Variants in CPED1 observed in about 807,000 individuals in gnomAD.
The protein encoded by CPED1 is cadherin like and PC-esterase domain containing 1, also known as cadherin-like and PC-esterase domain-containing protein 1.
A neutral mutation model predicts 128.2 loss-of-function variants in CPED1; 114 were observed. The ratio of observed to expected loss-of-function variants is 0.89; its 90% CI spans 0.76 to 1.04. The LOEUF is 1.04. CPED1 is among the 50% of genes least tolerant of loss of function. CPED1 has a pLI of 0.00. For synonymous variants in CPED1, 462 were observed against 426.7 expected (o/e 1.08, Z -1.02); for missense variants, 1,211 against 1,207.1 (o/e 1.00, Z -0.05).
chr7:121,213,196 T>A (rs942437977), intron 16 of CPED1, among the ~76,000 whole-genome samples: 1 of 152,066 alleles, frequency 6.6e-6, no homozygotes, highest in East Asian at 1.9e-4. Flanking sequence ...TTTGTTTTAT[T>A]TTTCAGTCTA....
intron 5 of CPED1, among the ~76,000 whole-genome samples, chr7:121,074,509 GTTTT>G (rs1157885862): frequency 7.4e-5 from 6 of 80,840 alleles, no homozygotes; most frequent in South Asian, 9.2e-4. Context: ...TTTCCTTTGT[GTTTT>G]TTTTTTTTTT....
chr7:121,156,891 C>G (rs1406435307), intron 16 of CPED1, among the ~76,000 whole-genome samples: 2 of 151,960 alleles, frequency 1.3e-5, no homozygotes, highest in Non-Finnish European at 2.9e-5. Flanking sequence ...ACCAGGGCAC[C>G]CATAAAAAGT....
In CPED1 at chr7:121,064,180, G is replaced by C. The variant is rs1022690343; in HGVS notation, c.541-58G>C. On this transcript the variant is annotated intron_variant, in intron 4 of 22. Coordinates refer to ENST00000310396, the MANE Select transcript of CPED1 (RefSeq NM_024913.5). Reference sequence around the variant, plus strand: ...TCTCTGGGTTTTTTGTGTTTGCTTGGTTTTGCTTTAGCGTTGATGAATGCC... The same window carrying C: ...TCTCTGGGTTTTTTGTGTTTGCTTGCTTTTGCTTTAGCGTTGATGAATGCC... The C allele has an allele frequency of 7.5e-6, 9 of 1,197,178 alleles. No homozygotes were observed. In the Admixed American group the frequency reaches 8.4e-5, roughly 11 times the overall value. 74.2% of individuals were successfully genotyped at this position (1,197,178 alleles called of 1,614,324 possible).
rs1351612819 is a variant in CPED1, at chr7:120,989,833, GCTTC to G, written c.217_220del (p.Leu73SerfsTer46). The G allele has an allele frequency of 1.9e-6, 3 of 1,613,952 alleles. No individual in the cohort carries two copies. Among genetic ancestry groups the G allele is most frequent in the African/African-American group, 1.3e-5 (1 of 74,892 alleles). On this transcript the variant is annotated frameshift_variant, in exon 2 of 23. Transcript: ENST00000310396. LOFTEE classifies it high-confidence loss of function. ...AAAGGATTCTCTCAGGACAAACAGT[GCTTC>G]CTTCTCTCTGGTAATGCCCAGGAAA...
intron 2 of CPED1, among the ~76,000 whole-genome samples, chr7:120,994,657 G>GTGTGTGTGTGTGTGT (rs148572524): frequency 3.0e-4 from 45 of 149,302 alleles, no homozygotes; most frequent in African/African-American, 1.0e-3. Context: ...GTGTGTGTGT[G>GTGTGTGTGTGTGTGT]TGTTGTTGTT....
At chr7:121,220,532 A>C (rs569436385) in intron 16 of CPED1, among the ~76,000 whole-genome samples, 12 of 152,144 alleles carry the variant, frequency 7.9e-5, no homozygotes, top group South Asian at 4.1e-4. Flanking sequence ...GAAAGACAAC[A>C]AATTTAGATT....
intron 5 of CPED1, among the ~76,000 whole-genome samples, chr7:121,093,671 C>T (rs780127281): frequency 9.2e-5 from 14 of 152,154 alleles, no homozygotes; most frequent in Non-Finnish European, 1.9e-4. Flanking sequence ...TTGCCAGGCT[C>T]CTTCCCCTCT....
At chr7:121,156,651 T>C (rs1796291382) in intron 16 of CPED1, among the ~76,000 whole-genome samples, 2 of 152,108 alleles carry the variant, frequency 1.3e-5, no homozygotes, top group South Asian at 4.1e-4. Context: ...TCATGAAGAT[T>C]GAGAATAGAG....
At chr7:121,077,735 ATGCTT>A (rs1362595596) in intron 5 of CPED1, among the ~76,000 whole-genome samples, 2 of 151,266 alleles carry the variant, frequency 1.3e-5, no homozygotes, top group Non-Finnish European at 2.9e-5. Context: ...TATTAACAAT[ATGCTT>A]TGTTTTAAAA....
intron 16 of CPED1, among the ~76,000 whole-genome samples, chr7:121,187,119 A>G (rs1179221776): frequency 2.0e-5 from 3 of 152,206 alleles, no homozygotes. Context: ...TGGAGTTTAT[A>G]ATATATTTTA....
At chr7:121,225,459 G>T (rs971790104) in intron 16 of CPED1, among the ~76,000 whole-genome samples, 2 of 151,896 alleles carry the variant, frequency 1.3e-5, no homozygotes, top group Non-Finnish European at 2.9e-5. Context: ...ATGTGTCTTG[G>T]GGTTTCTCTT....
intron 22 of CPED1, among the ~76,000 whole-genome samples, chr7:121,277,472 G>A (rs929710762): frequency 6.6e-6 from 1 of 152,126 alleles, no homozygotes; most frequent in Non-Finnish European, 1.5e-5. Context: ...TTGACATCCT[G>A]CGTGAACTGC....
chr7:121,197,786 G>A (rs926286026), intron 16 of CPED1, among the ~76,000 whole-genome samples: 7 of 152,086 alleles, frequency 4.6e-5, no homozygotes, highest in Admixed American at 4.6e-4. Context: ...AGTAGGAGCT[G>A]GATGTGCAGA....
intron 7 of CPED1, among the ~76,000 whole-genome samples, chr7:121,123,872 A>G (rs1040353509): frequency 3.6e-4 from 55 of 152,210 alleles, no homozygotes; most frequent in Admixed American, 5.9e-4. Context: ...ATAATAAAAA[A>G]CTAACATTTG....
chr7:121,121,865 T>C (rs1310618271), intron 7 of CPED1, among the ~76,000 whole-genome samples: 3 of 152,194 alleles, frequency 2.0e-5, no homozygotes, highest in Non-Finnish European at 4.4e-5. Context: ...GCACTGAGAC[T>C]CACAGAACTC....
At chr7:121,063,837 T>G (rs1793749684) in intron 4 of CPED1, among the ~76,000 whole-genome samples, 1 of 152,180 alleles carries the variant, frequency 6.6e-6, no homozygotes, top group South Asian at 2.1e-4. Flanking sequence ...TATTTAGAAA[T>G]AATCCCTTCA....
chr7:121,039,415 G>A (rs1437266710), intron 3 of CPED1, among the ~76,000 whole-genome samples: 1 of 151,424 alleles, frequency 6.6e-6, no homozygotes, highest in Non-Finnish European at 1.5e-5. Context: ...TGTATTTCCT[G>A]CCCCAACCCT....
chr7:121,282,155 A>C (rs1792476533), intron 22 of CPED1, among the ~76,000 whole-genome samples: 2 of 152,178 alleles, frequency 1.3e-5, no homozygotes, highest in Non-Finnish European at 2.9e-5. Context: ...TTAGAGAAGC[A>C]TTTGATGTAT....
chr7:121,097,953 A>G, intron 6 of CPED1, 122 bp downstream of exon 6: 1 of 926,886 alleles, frequency 1.1e-6, no homozygotes, highest in Non-Finnish European at 1.6e-6. Context: ...TCTTACATAA[A>G]TTTTCAGCTA....
Sources: allele counts gnomAD v4.1 joint callset (sites outside exome capture counted in the v4.1 genomes callset), GRCh38; gene constraint gnomAD v4.1.1; transcripts MANE v1.5; gene names NCBI Gene and HGNC (gene_info 2026-07-23, HGNC 2026-07-21).